The following PTPRD variants were observed in gnomAD, a reference collection of about 807,000 sequenced individuals.
PTPRD encodes receptor-type tyrosine-protein phosphatase delta.
PTPRD carries 34 observed loss-of-function variants against 214.5 expected under a neutral mutation model. That is an observed-to-expected ratio of 0.16 (90% CI 0.12 to 0.21). PTPRD has a LOEUF of 0.21. PTPRD is among the 10% of genes least tolerant of loss of function. The pLI is 1.00. For missense variants in PTPRD, 2,545 were observed against 2,398.7 expected (o/e 1.06, Z -1.27); for synonymous variants, 1,128 against 845.7 (o/e 1.33, Z -5.79).
At chr9:8,496,597 A>G (rs2097277886) in intron 26 of PTPRD, among the ~76,000 whole-genome samples, 1 of 152,170 alleles carries the variant, frequency 6.6e-6, no homozygotes, top group Admixed American at 6.6e-5. Context: ...TAATCCATTC[A>G]CCATTCAAAT....
At chr9:8,929,702 T>TGC (rs1491126105) in intron 11 of PTPRD, among the ~76,000 whole-genome samples, 1 of 146,666 alleles carries the variant, frequency 6.8e-6, no homozygotes, top group African/African-American at 2.5e-5. Flanking sequence ...TATATATATA[T>TGC]GTGTATATAT....
rs573229957 is a variant in PTPRD, at chr9:9,910,315, G to C, written c.-368+28192C>G. Among the ~76,000 whole-genome samples, 231 of 152,002 alleles carry C rather than the reference G, an allele frequency of 1.5e-3. 1 individual carries two copies. Among genetic ancestry groups the C allele is most frequent in the Non-Finnish European group, 2.4e-3 (166 of 67,868 alleles). On this transcript the variant is annotated intron_variant, in intron 5 of 45. Transcript: ENST00000381196. ...ACATTTTTGCTGCTTGATGTAATGTGAATTTTTTCATCTCTCATGATACAT... is the reference window on the plus strand; with the variant it reads ...ACATTTTTGCTGCTTGATGTAATGTCAATTTTTTCATCTCTCATGATACAT...
chr9:10,255,640 A>G (rs762664248), intron 3 of PTPRD, among the ~76,000 whole-genome samples: 1 of 150,012 alleles, frequency 6.7e-6, no homozygotes, highest in Non-Finnish European at 1.5e-5. Context: ...TTTCTTCAAT[A>G]ATAAACTTAG....
chr9:8,436,118 A>G (rs1255607445), intron 35 of PTPRD, among the ~76,000 whole-genome samples: 1 of 152,208 alleles, frequency 6.6e-6, no homozygotes, highest in Non-Finnish European at 1.5e-5. Context: ...CAAATACTGC[A>G]TGATCTCATT....
chr9:9,871,025 T>G lies in PTPRD; in HGVS notation c.-368+67482A>C, dbSNP rs145376081. 1.8e-3 allele frequency among the ~76,000 whole-genome samples: 268 copies of G among 152,290 alleles called. 3 individuals are homozygous for G. Among genetic ancestry groups the G allele is most frequent in the East Asian group, 0.012 (61 of 5,188 alleles). ...TACTCCATAAAAATTAAGAGATGTA[T>G]TCATTTGATCCCTTGAATCAGAAAG... On this transcript the variant is annotated intron_variant, in intron 5 of 45. Transcript: ENST00000381196.
chr9:8,489,057 CAAAT>C (rs1189146199), intron 27 of PTPRD, among the ~76,000 whole-genome samples: 1 of 152,116 alleles, frequency 6.6e-6, no homozygotes, highest in Non-Finnish European at 1.5e-5. Context: ...ATCTAAACCA[CAAAT>C]AGAGACTGCA....
chr9:8,974,514 G>C (rs757439303), intron 11 of PTPRD, among the ~76,000 whole-genome samples: 4 of 151,862 alleles, frequency 2.6e-5, no homozygotes, highest in Non-Finnish European at 4.4e-5. Flanking sequence ...CATCATCTAG[G>C]ATATGCTCCT....
intron 9 of PTPRD, among the ~76,000 whole-genome samples, chr9:9,294,647 A>T (rs976987210): frequency 1.3e-5 from 2 of 151,626 alleles, no homozygotes; most frequent in Non-Finnish European, 3.0e-5. Context: ...TCATACCAAG[A>T]TGGAGGCCGT....
chr9:8,874,984 G>C (rs548362988), intron 11 of PTPRD, among the ~76,000 whole-genome samples: 1 of 152,152 alleles, frequency 6.6e-6, no homozygotes, highest in Non-Finnish European at 1.5e-5. Context: ...GGGAGGCATA[G>C]AAGAGAAGTC....
chr9:8,945,798 C>G (rs1041478395), intron 11 of PTPRD, among the ~76,000 whole-genome samples: 1 of 152,166 alleles, frequency 6.6e-6, no homozygotes, highest in African/African-American at 2.4e-5. Flanking sequence ...GATGCATCCT[C>G]CTTTCCATCA....
intron 3 of PTPRD, among the ~76,000 whole-genome samples, chr9:10,319,566 G>C (rs891622973): frequency 6.6e-6 from 1 of 151,870 alleles, no homozygotes; most frequent in Non-Finnish European, 1.5e-5. Flanking sequence ...CTTTCAATTA[G>C]TTTTTGTTAA....
At chr9:8,786,399 G>A (rs2095970143) in intron 11 of PTPRD, among the ~76,000 whole-genome samples, 1 of 131,418 alleles carries the variant, frequency 7.6e-6, no homozygotes, top group Admixed American at 8.3e-5. Context: ...AAAGTTTGGA[G>A]TTCTTTTTTT....
chr9:9,489,229 G>A (rs1027573877), intron 8 of PTPRD, among the ~76,000 whole-genome samples: 2 of 152,092 alleles, frequency 1.3e-5, no homozygotes, highest in African/African-American at 4.8e-5. Context: ...CTGATCCTTG[G>A]AACTGACACA....
intron 10 of PTPRD, among the ~76,000 whole-genome samples, chr9:9,064,761 C>G (rs748589442): frequency 6.6e-6 from 1 of 152,072 alleles, no homozygotes; most frequent in African/African-American, 2.4e-5. Context: ...AAAATCATCA[C>G]GGTAATAATG....
chr9:9,755,351 A>G (rs2098557843), intron 6 of PTPRD, among the ~76,000 whole-genome samples: 1 of 152,168 alleles, frequency 6.6e-6, no homozygotes, highest in South Asian at 2.1e-4. Flanking sequence ...TTGGGAAAAA[A>G]TTGTACTAAA....
At chr9:9,405,989 C>G (rs560499432) in intron 8 of PTPRD, among the ~76,000 whole-genome samples, 163 of 151,994 alleles carry the variant, frequency 1.1e-3, no homozygotes, top group Admixed American at 2.2e-3. Context: ...TTTAATTTTG[C>G]TATTATTTTC....
At chr9:9,098,076 T>C (rs111441585) in intron 10 of PTPRD, among the ~76,000 whole-genome samples, 8 of 151,720 alleles carry the variant, frequency 5.3e-5, no homozygotes, top group Non-Finnish European at 8.8e-5. Context: ...AAAGTAAATA[T>C]ATTTATATGG....
At chr9:9,828,363 A>G (rs970418777) in intron 5 of PTPRD, among the ~76,000 whole-genome samples, 1 of 152,168 alleles carries the variant, frequency 6.6e-6, no homozygotes, top group Non-Finnish European at 1.5e-5. Flanking sequence ...AAGGACATGG[A>G]TGAAACTGGA....
intron 3 of PTPRD, among the ~76,000 whole-genome samples, chr9:10,126,895 T>A (rs10958896): frequency 0.14 from 20,728 of 151,402 alleles, 1,507 homozygotes; most frequent in South Asian, 0.26. Flanking sequence ...TAGATAGAAA[T>A]TGCCATGTAA....
Sources: gnomAD v4.1 joint callset for allele counts (sites outside exome capture counted in the v4.1 genomes callset) on GRCh38, gnomAD v4.1.1 for gene constraint, MANE v1.5 for transcripts, NCBI Gene and HGNC (gene_info 2026-07-23, HGNC 2026-07-21) for gene names.